NCAM2: variants seen among roughly 807,000 people sequenced by gnomAD.
The protein encoded by NCAM2 is N-CAM-2.
A neutral mutation model predicts 98.1 loss-of-function variants in NCAM2; 30 were observed. The ratio of observed to expected loss-of-function variants is 0.31; its 90% CI spans 0.23 to 0.41. NCAM2 has a LOEUF of 0.41. Among genes scored for constraint, NCAM2 ranks in the 10% least tolerant of loss-of-function variants. The pLI is 1.00. For missense variants in NCAM2, 867 were observed against 1,005.8 expected, an observed-to-expected ratio of 0.86 and a Z score of 1.87; for synonymous variants, 368 against 342.4, an observed-to-expected ratio of 1.07 and a Z score of -0.83.
chr21:21,077,178 G>T (rs1266392284), intron 1 of NCAM2, among the ~76,000 whole-genome samples: 1 of 152,098 alleles, frequency 6.6e-6, no homozygotes, highest in East Asian at 1.9e-4. Context: ...TTTAGATGAG[G>T]TGCCCGTCAG....
At chr21:21,409,957 C>T (rs1406750896) in intron 9 of NCAM2, among the ~76,000 whole-genome samples, 3 of 151,978 alleles carry the variant, frequency 2.0e-5, no homozygotes, top group African/African-American at 7.2e-5. Flanking sequence ...CACAGTGAAA[C>T]CCCGTCTCTA....
At position 21,286,369 on chromosome 21, in the gene NCAM2, C is replaced by T; in HGVS notation, c.438C>T (p.Val146=). The T allele has an allele frequency of 1.9e-6, 3 of 1,612,414 alleles. No individual in the cohort carries two copies. Among genetic ancestry groups the T allele is most frequent in the Non-Finnish European group, 2.5e-6 (3 of 1,178,996 alleles). Residue 146 remains valine (V), a synonymous_variant, in exon 4 of 18, where the codon GTC becomes GTT. Coordinates refer to ENST00000400546, the MANE Select transcript of NCAM2 (RefSeq NM_004540.5). ...TTAGCAGTTCACCTGCACCTGCTGT[C>T]AGCTGGTTGTATCATAATGAGGAAG... The part of the protein sequence containing the change: ...CRVSSSPAPA[V]SWLYHNEEVT...
At chr21:21,337,710 G>A (rs1457517217) in intron 7 of NCAM2, among the ~76,000 whole-genome samples, 2 of 151,874 alleles carry the variant, frequency 1.3e-5, no homozygotes, top group Non-Finnish European at 2.9e-5. Flanking sequence ...ATTAAAATTA[G>A]TAGACATAAT....
At chr21:21,450,266 T>C (rs1364316493) in intron 12 of NCAM2, among the ~76,000 whole-genome samples, 1 of 152,026 alleles carries the variant, frequency 6.6e-6, no homozygotes, top group African/African-American at 2.4e-5. Context: ...TATGTGTGTA[T>C]ATATATACTA....
chr21:21,444,028 T>C (rs985836398), intron 12 of NCAM2, among the ~76,000 whole-genome samples: 1 of 152,160 alleles, frequency 6.6e-6, no homozygotes. Context: ...ATACCTAGCA[T>C]TTTTAGAGTT....
At chr21:21,371,171 A>T (rs1240294376) in intron 8 of NCAM2, among the ~76,000 whole-genome samples, 3 of 151,822 alleles carry the variant, frequency 2.0e-5, no homozygotes, top group Non-Finnish European at 4.4e-5. Context: ...ACTTACAGGG[A>T]GGGAAAACAG....
intron 1 of NCAM2, among the ~76,000 whole-genome samples, chr21:21,158,731 C>T (rs2067689379): frequency 6.6e-6 from 1 of 151,944 alleles, no homozygotes; most frequent in African/African-American, 2.4e-5. Flanking sequence ...CTGATGTAAA[C>T]AAACCTACTG....
chr21:21,111,613 A>C (rs2066455979), intron 1 of NCAM2, among the ~76,000 whole-genome samples: 1 of 152,228 alleles, frequency 6.6e-6, no homozygotes, highest in South Asian at 2.1e-4. Context: ...GGGATAATCC[A>C]TTCACAGGAA....
In NCAM2 at chr21:21,470,205, G is replaced by A. The variant is rs574354802; in HGVS notation, c.1896+1422G>A. 2.0e-5 allele frequency among the ~76,000 whole-genome samples: 3 copies of A among 151,394 alleles called. No individual in the cohort carries two copies. The South Asian group carries it at 6.3e-4, about 32-fold the overall frequency. ...TTGAGTAGCACTGCATCTATTTAGAGCAAAGCAGAGTCACAAATGGAAATA... is the reference window on the plus strand; with the variant it reads ...TTGAGTAGCACTGCATCTATTTAGAACAAAGCAGAGTCACAAATGGAAATA... On this transcript the variant is annotated intron_variant, in intron 14 of 17. Transcript: ENST00000400546.
At chr21:21,137,842 A>ATT (rs10645764) in intron 1 of NCAM2, among the ~76,000 whole-genome samples, 59,010 of 149,836 alleles carry the variant, frequency 0.39, 11,651 homozygotes, top group African/African-American at 0.48. Flanking sequence ...TCGTCACTTC[A>ATT]TTTTTTTTTT....
chr21:21,282,653 A>T (rs1224002340), intron 2 of NCAM2, among the ~76,000 whole-genome samples: 3 of 151,822 alleles, frequency 2.0e-5, no homozygotes, highest in Non-Finnish European at 4.4e-5. Context: ...TAAAATAAAT[A>T]TCTTAAATTT....
intron 1 of NCAM2, among the ~76,000 whole-genome samples, chr21:21,050,641 G>A (rs889921200): frequency 2.0e-5 from 3 of 152,160 alleles, no homozygotes; most frequent in African/African-American, 7.2e-5. Context: ...AACAACACCT[G>A]TCATTGGGGG....
chr21:21,291,609 T>A (rs1162881853), intron 4 of NCAM2, among the ~76,000 whole-genome samples: 1 of 151,964 alleles, frequency 6.6e-6, no homozygotes, highest in Non-Finnish European at 1.5e-5. Flanking sequence ...ATCTTTTTTA[T>A]ATCCTTTATA....
At chr21:21,028,109 C>T (rs976917732) in intron 1 of NCAM2, among the ~76,000 whole-genome samples, 5 of 152,152 alleles carry the variant, frequency 3.3e-5, no homozygotes, top group Admixed American at 6.5e-5. Flanking sequence ...GTGATCTGCC[C>T]GCCTCGGCCT....
chr21:21,344,786 G>C (rs2075143012), intron 8 of NCAM2, among the ~76,000 whole-genome samples: 1 of 152,142 alleles, frequency 6.6e-6, no homozygotes, highest in African/African-American at 2.4e-5. Context: ...AGCGAGCATA[G>C]GCAGTAGCCA....
intron 12 of NCAM2, among the ~76,000 whole-genome samples, chr21:21,460,624 T>C (rs1178572824): frequency 6.6e-6 from 1 of 151,968 alleles, no homozygotes; most frequent in Non-Finnish European, 1.5e-5. Context: ...GGTATAATTT[T>C]TAAAAACATA....
chr21:21,276,732 A>C (rs187961757), intron 1 of NCAM2, among the ~76,000 whole-genome samples: 1 of 152,044 alleles, frequency 6.6e-6, no homozygotes, highest in South Asian at 2.1e-4. Context: ...GTATAGTTCA[A>C]TTAGAGCAAA....
intron 16 of NCAM2, among the ~76,000 whole-genome samples, chr21:21,516,284 A>G (rs1218026580): frequency 6.6e-6 from 1 of 152,172 alleles, no homozygotes; most frequent in East Asian, 1.9e-4. Context: ...TCATAACATC[A>G]GTGCTAACAA....
intron 1 of NCAM2, among the ~76,000 whole-genome samples, chr21:21,272,625 CT>C (rs1328588911): frequency 6.6e-6 from 1 of 151,656 alleles, no homozygotes; most frequent in Admixed American, 6.6e-5. Flanking sequence ...GAGACTAAAA[CT>C]AAGCAAGAAT....
Sources: allele counts gnomAD v4.1 joint callset (sites outside exome capture counted in the v4.1 genomes callset), GRCh38; gene constraint gnomAD v4.1.1; transcripts MANE v1.5; gene names NCBI Gene and HGNC (gene_info 2026-07-23, HGNC 2026-07-21).